Variants in FRMD4B observed in about 807,000 individuals in gnomAD.
FRMD4B encodes the protein FERM domain-containing protein 4B.
A neutral mutation model predicts 141.5 loss-of-function variants in FRMD4B; 74 were observed. The ratio of observed to expected loss-of-function variants is 0.52; its 90% CI spans 0.43 to 0.63. The LOEUF is 0.63. Among genes scored for constraint, FRMD4B ranks in the 30% least tolerant of loss-of-function variants. FRMD4B has a pLI of 0.00. For synonymous variants in FRMD4B, 506 were observed against 467.9 expected (o/e 1.08, Z -1.05); for missense variants, 1,366 against 1,253.4 (o/e 1.09, Z -1.36).
chr3:69,537,216 G>A (rs1287639274), intron 1 of FRMD4B, among the ~76,000 whole-genome samples: 1 of 152,136 alleles, frequency 6.6e-6, no homozygotes, highest in African/African-American at 2.4e-5. Context: ...CCTGCTTCTA[G>A]GGCCCCTCTG....
In FRMD4B at chr3:69,536,530, C is replaced by T. The variant is rs1377740175; in HGVS notation, c.-129+5676G>A. Reference sequence around the variant, plus strand: ...AGCCTGCAGCGCCTCTACCACCGTGCGGGGGGTGGGGAATAGGGGGGATGG... The same window carrying T: ...AGCCTGCAGCGCCTCTACCACCGTGTGGGGGGTGGGGAATAGGGGGGATGG... On this transcript the variant is annotated intron_variant, in intron 1 of 5. Transcript: ENST00000459638. 1.6e-5 allele frequency: 11 copies of T among 696,330 alleles called. 1 individual carries two copies. The highest frequency in any genetic ancestry group is 3.0e-5 in the South Asian group (2 of 66,666). The allele number at this position is 696,330 out of a possible 1,614,324, so 43.1% of individuals were successfully genotyped here.
At chr3:69,273,143 A>G (rs2093603208) in intron 5 of FRMD4B, among the ~76,000 whole-genome samples, 1 of 152,196 alleles carries the variant, frequency 6.6e-6, no homozygotes, top group African/African-American at 2.4e-5. Context: ...TTGGGATGGG[A>G]GCCTATACTG....
intron 1 of FRMD4B, among the ~76,000 whole-genome samples, chr3:69,343,834 C>T (rs562702426): frequency 6.6e-6 from 1 of 152,124 alleles, no homozygotes; most frequent in East Asian, 1.9e-4. Context: ...CCCACCTCAG[C>T]CTCCCAAAGT....
upstream of FRMD4B, among the ~76,000 whole-genome samples, chr3:69,389,544 G>C (rs1347690009): frequency 3.3e-5 from 5 of 152,300 alleles, no homozygotes; most frequent in East Asian, 9.6e-4. Context: ...TTGTCCCGTG[G>C]ACTCAGAGAA....
At chr3:69,274,322 C>T (rs1273513331) in intron 5 of FRMD4B, among the ~76,000 whole-genome samples, 5 of 151,980 alleles carry the variant, frequency 3.3e-5, no homozygotes, top group Non-Finnish European at 5.9e-5. Flanking sequence ...GTTGATGAAA[C>T]AAAGGCTTAA....
At chr3:69,176,401 G>A (rs546153374) in intron 22 of FRMD4B, 123 bp downstream of exon 22, 1 of 734,900 alleles carries the variant, frequency 1.4e-6, no homozygotes, top group African/African-American at 1.8e-5. Flanking sequence ...GGCAGCTGGA[G>A]TTGGCCCACA....
intron 19 of FRMD4B, among the ~76,000 whole-genome samples, chr3:69,185,908 G>A (rs1300731721): frequency 1.3e-5 from 2 of 151,972 alleles, no homozygotes; most frequent in Non-Finnish European, 2.9e-5. Flanking sequence ...CGGGTGTGGT[G>A]GCGGGCATCT....
chr3:69,248,239 G>A (rs913413438), intron 7 of FRMD4B, among the ~76,000 whole-genome samples: 2 of 140,762 alleles, frequency 1.4e-5, no homozygotes, highest in African/African-American at 5.6e-5. Flanking sequence ...CTAGAAAAAT[G>A]TAAATACACA....
At chr3:69,509,565 C>T (rs1349797828) in intron 1 of FRMD4B, among the ~76,000 whole-genome samples, 2 of 152,072 alleles carry the variant, frequency 1.3e-5, no homozygotes, top group Admixed American at 6.5e-5. Context: ...TTCTCAGAAA[C>T]GTGGGTCTAA....
chr3:69,540,636 A>AATATATAT lies in FRMD4B; in HGVS notation c.-129+1562_-129+1569dup, dbSNP rs1553652110. Among the ~76,000 whole-genome samples, 16 of 69,538 alleles carry AATATATAT rather than the reference A, an allele frequency of 2.3e-4. 1 individual carries two copies. Among genetic ancestry groups the AATATATAT allele is most frequent in the East Asian group, 8.3e-4 (2 of 2,420 alleles). The allele number at this position is 69,538 out of a possible 152,430, so 45.6% of individuals were successfully genotyped here. On this transcript the variant is annotated intron_variant, in intron 1 of 5. Coordinates refer to the FRMD4B transcript ENST00000459638. ...TCTAAAAAAAAAAAAAAAAAAAAAA[A>AATATATAT]ATATATATATATATATATATATATA...
In FRMD4B at chr3:69,188,822, G is replaced by C. The variant is rs370400018; in HGVS notation, c.1772-905C>G. Among the ~76,000 whole-genome samples, 178 of 150,972 alleles carry C rather than the reference G, an allele frequency of 1.2e-3. 1 individual carries two copies. Among genetic ancestry groups the C allele is most frequent in the African/African-American group, 4.0e-3 (163 of 41,114 alleles). ...AAAGCAGTGGGGGTGTGGTTTCCTG[G>C]AATTCTTCAAGTCATACCACAGAGA... is the stretch of plus-strand genomic sequence containing the variant. On this transcript the variant is annotated intron_variant, in intron 18 of 22. Coordinates refer to ENST00000398540, the MANE Select transcript of FRMD4B (RefSeq NM_015123.3).
intron 2 of FRMD4B, among the ~76,000 whole-genome samples, chr3:69,416,994 T>A (rs1235263850): frequency 2.0e-5 from 3 of 152,196 alleles, no homozygotes; most frequent in African/African-American, 7.2e-5. Context: ...CTATTGTAAA[T>A]GGTGCTGCAA....
chr3:69,185,972 G>T (rs185156123), intron 19 of FRMD4B, among the ~76,000 whole-genome samples: 2 of 151,736 alleles, frequency 1.3e-5, no homozygotes, highest in African/African-American at 4.8e-5. Flanking sequence ...AACCTGAAAG[G>T]TGAAGGTTGC....
intron 11 of FRMD4B, among the ~76,000 whole-genome samples, chr3:69,209,813 C>T (rs2093058510): frequency 6.6e-6 from 1 of 152,206 alleles, no homozygotes; most frequent in African/African-American, 2.4e-5. Context: ...AGAAAGAGAA[C>T]AACCCATGTT....
intron 1 of FRMD4B, among the ~76,000 whole-genome samples, chr3:69,362,508 T>C (rs1703498184): frequency 1.3e-5 from 2 of 152,164 alleles, no homozygotes; most frequent in African/African-American, 4.8e-5. Flanking sequence ...TAACACCCCA[T>C]CTCTACTAAA....
intron 1 of FRMD4B, among the ~76,000 whole-genome samples, chr3:69,433,679 T>C (rs1705214729): frequency 6.6e-6 from 1 of 152,202 alleles, no homozygotes; most frequent in Non-Finnish European, 1.5e-5. Flanking sequence ...AGGAACTCCA[T>C]ATTCAAGGAG....
chr3:69,456,367 T>C (rs1705614494), intron 1 of FRMD4B, among the ~76,000 whole-genome samples: 1 of 152,236 alleles, frequency 6.6e-6, no homozygotes, highest in African/African-American at 2.4e-5. Context: ...GACTCAGCTA[T>C]TCCATTTCAA....
rs147610810 is a variant in FRMD4B at position 69,471,864 on chromosome 3, G to A, written c.-128-39103C>T. On this transcript the variant is annotated intron_variant, in intron 1 of 5. Transcript: ENST00000459638. ...AGAAAAACATCTGTGTTGGGCAGAA[G>A]TATTTCTCCACTTCTAGTAGTCTCA... is the stretch of plus-strand genomic sequence containing the variant. The A allele has an allele frequency of 2.1e-3, 328 of 155,340 alleles. 2 individuals carry two copies. The highest frequency in any genetic ancestry group is 7.3e-3 in the African/African-American group (305 of 41,628). The allele number at this position is 155,340 out of a possible 1,614,324, so 9.6% of individuals were successfully genotyped here.
chr3:69,465,549 G>C (rs6549222), intron 1 of FRMD4B, among the ~76,000 whole-genome samples: 88,012 of 148,042 alleles, frequency 0.59, 27,185 homozygotes, highest in African/African-American at 0.77. Flanking sequence ...CAGTCCCCCA[G>C]CCCCCGACAG....
Sources: gnomAD v4.1 joint callset for allele counts (sites outside exome capture counted in the v4.1 genomes callset) on GRCh38, gnomAD v4.1.1 for gene constraint, MANE v1.5 for transcripts, NCBI Gene and HGNC (gene_info 2026-07-23, HGNC 2026-07-21) for gene names.